SLC26A8: variants seen among roughly 807,000 people sequenced by gnomAD.
The protein encoded by SLC26A8 is solute carrier family 26 member 8, also known as testis anion transporter 1.
Under a neutral mutation model 105.0 loss-of-function variants are expected in SLC26A8, and 70 were observed. The ratio of observed to expected loss-of-function variants is 0.67; its 90% CI spans 0.55 to 0.81. SLC26A8 has a LOEUF of 0.81. SLC26A8 is among the 40% of genes least tolerant of loss of function. SLC26A8 has a pLI of 0.00. For missense variants in SLC26A8, 998 were observed against 1,181.8 expected, an observed-to-expected ratio of 0.84 and a Z score of 2.28; for synonymous variants, 415 against 438.3, an observed-to-expected ratio of 0.95 and a Z score of 0.66.
intron 3 of SLC26A8, among the ~76,000 whole-genome samples, chr6:36,002,935 C>A (rs576454610): frequency 6.6e-6 from 1 of 152,090 alleles, no homozygotes; most frequent in East Asian, 1.9e-4. Context: ...AACTCCTGAC[C>A]TCAAATGATT....
At chr6:36,014,203 C>T (rs1237524709) in intron 2 of SLC26A8, among the ~76,000 whole-genome samples, 1 of 152,200 alleles carries the variant, frequency 6.6e-6, no homozygotes, top group Non-Finnish European at 1.5e-5. Flanking sequence ...TCACCTGGTT[C>T]AGTCTGCCTT....
intron 7 of SLC26A8, among the ~76,000 whole-genome samples, chr6:35,983,180 A>G (rs975006371): frequency 2.0e-5 from 3 of 152,204 alleles, no homozygotes; most frequent in Non-Finnish European, 4.4e-5. Context: ...GAAGACCCCT[A>G]GGAAGTCTAC....
chr6:36,006,034 T>G (rs963469229), intron 3 of SLC26A8, among the ~76,000 whole-genome samples: 22 of 152,320 alleles, frequency 1.4e-4, no homozygotes, highest in Admixed American at 7.8e-4. Flanking sequence ...CACTACAAAT[T>G]ATCTTATTAT....
intron 5 of SLC26A8, among the ~76,000 whole-genome samples, chr6:35,994,262 C>G (rs1405173683): frequency 6.6e-6 from 1 of 151,578 alleles, no homozygotes; most frequent in Non-Finnish European, 1.5e-5. Context: ...CTACAGGCGC[C>G]CGCCACCAAG....
chr6:35,991,852 A>C, intron 6 of SLC26A8, 44 bp from the exon 7 acceptor site: 1 of 1,510,718 alleles, frequency 6.6e-7, no homozygotes, highest in Non-Finnish European at 8.8e-7. Context: ...GGGATGTAGT[A>C]ATTGCCTAAG....
Position 36,007,966 on chromosome 6 carries a change from A to C in SLC26A8, c.328+4267T>G, listed in dbSNP as rs150366387. Among the ~76,000 whole-genome samples, 791 of 152,000 alleles carry C rather than the reference A, an allele frequency of 5.2e-3. 5 individuals are homozygous for C. The highest frequency in any genetic ancestry group is 0.017 in the African/African-American group (693 of 41,466). On this transcript the variant is annotated intron_variant, in intron 3 of 19. Coordinates refer to ENST00000490799, the MANE Select transcript of SLC26A8 (RefSeq NM_052961.4). ...AAACCACGTGTCTACTAAAAATACA[A>C]AAAATTAGCCAGGCATAGTGGCAGG...
Position 35,982,220 on chromosome 6 carries a change from A to G in SLC26A8, c.943-17T>C, listed in dbSNP as rs1773301058. 6.2e-7 allele frequency: 1 copy of G among 1,612,982 alleles called. No homozygotes were observed. Among genetic ancestry groups the G allele is most frequent in the Non-Finnish European group, 8.5e-7 (1 of 1,179,220 alleles). On this transcript the variant is annotated splice_polypyrimidine_tract_variant and intron_variant, in intron 7 of 19. Transcript: ENST00000490799. ...GCCAATAATCTGTAGGGGGTAAAAA[A>G]AGAAGGGATGGGGGCATATGAATAC...
At chr6:36,017,236 CATGATCTTGT>C (rs1008269844) in intron 2 of SLC26A8, among the ~76,000 whole-genome samples, 6 of 146,456 alleles carry the variant, frequency 4.1e-5, no homozygotes, top group Admixed American at 2.1e-4. Flanking sequence ...AGAAAAGATG[CATGATCTTGT>C]ATGATCTTGA....
chr6:35,988,590 A>G (rs897388882), intron 7 of SLC26A8, among the ~76,000 whole-genome samples: 13 of 152,132 alleles, frequency 8.5e-5, no homozygotes, highest in African/African-American at 2.2e-4. Flanking sequence ...GGCCGAGATC[A>G]TGCCACTGCA....
At chr6:36,006,847 A>G (rs1353904465) in intron 3 of SLC26A8, among the ~76,000 whole-genome samples, 2 of 152,240 alleles carry the variant, frequency 1.3e-5, no homozygotes, top group African/African-American at 4.8e-5. Flanking sequence ...AAAAAAATCA[A>G]TTAATGTAAC....
At chr6:35,980,421 T>A (rs1289640923) in intron 8 of SLC26A8, among the ~76,000 whole-genome samples, 1 of 152,240 alleles carries the variant, frequency 6.6e-6, no homozygotes, top group Non-Finnish European at 1.5e-5. Context: ...AATTTAAACA[T>A]GGGAAGCCTT....
In SLC26A8 at chr6:36,019,633, A is replaced by G. The variant is rs1465267835; in HGVS notation, c.75T>C (p.Val25=). The G allele has an allele frequency of 6.2e-6, 10 of 1,614,088 alleles. No individual in the cohort carries two copies. Among genetic ancestry groups the G allele is most frequent in the Non-Finnish European group, 6.8e-6 (8 of 1,180,038 alleles). ...TCTCCTCATTGTATACTTCACGCTT[A>G]ACATCATATGCGAATGAGTTTCGCC... ...KSRRNSFAYD[V]KREVYNEETF... Residue 25 remains valine (V), a synonymous_variant, in exon 2 of 20, where the codon GTT becomes GTC. Coordinates refer to ENST00000490799, the MANE Select transcript of SLC26A8 (RefSeq NM_052961.4).
Position 35,990,350 on chromosome 6 carries a change from C to A in SLC26A8, c.942+1309G>T. 3 of 273,802 alleles carry A rather than the reference C, an allele frequency of 1.1e-5. No individual in the cohort carries two copies. In the South Asian group the frequency reaches 1.1e-4, roughly 10 times the overall value. The allele number at this position is 273,802 out of a possible 1,614,324, so 17.0% of individuals were successfully genotyped here. A position where few individuals can be genotyped will look rare whatever the true frequency, so the allele number is the denominator to read the frequency against. On this transcript the variant is annotated intron_variant, in intron 7 of 19. Transcript: ENST00000490799. Reference sequence around the variant, plus strand: ...ATGGGTTCTTATTGAACAAGATGTTCAAATCTTCCAATTGTTTCTCCATGA... The same window carrying A: ...ATGGGTTCTTATTGAACAAGATGTTAAAATCTTCCAATTGTTTCTCCATGA...
rs7451554 is a variant in SLC26A8, at chr6:35,993,189, A to C, written c.628-515T>G. The stretch of plus-strand genomic sequence containing the variant: ...TTTTTTTTTTTTTGATAGAGATTGG[A>C]GGGGGGGGTCTTGCTATATTACCTA... On this transcript the variant is annotated intron_variant, in intron 5 of 19. Transcript: ENST00000490799. 3.8e-4 allele frequency among the ~76,000 whole-genome samples: 18 copies of C among 47,080 alleles called. 1 individual carries two copies. Among genetic ancestry groups the C allele is most frequent in the Admixed American group, 5.5e-4 (2 of 3,620 alleles). 30.9% of individuals were successfully genotyped at this position (47,080 alleles called of 152,430 possible). A position where few individuals can be genotyped will look rare whatever the true frequency, so the allele number is the denominator to read the frequency against.
In SLC26A8 at chr6:35,952,107, G is replaced by A. The variant is rs150523069; in HGVS notation, c.2233-608C>T. On this transcript the variant is annotated intron_variant, in intron 17 of 19. Transcript: ENST00000490799. ...TAAACAGTATATATCAAGACAGGAC[G>A]TCTGCAGGAGGAAAGCCCTAGCATA... 9.3e-3 allele frequency among the ~76,000 whole-genome samples: 1,419 copies of A among 152,276 alleles called. 27 individuals are homozygous for A. Among genetic ancestry groups the A allele is most frequent in the African/African-American group, 0.032 (1,318 of 41,544 alleles).
chr6:35,985,504 C>T (rs540525523), intron 7 of SLC26A8, among the ~76,000 whole-genome samples: 31 of 151,636 alleles, frequency 2.0e-4, no homozygotes, highest in Admixed American at 1.2e-3. Context: ...ACCATCCTGG[C>T]CAACATGGTG....
chr6:35,993,399 A>T (rs1023141399), intron 5 of SLC26A8, among the ~76,000 whole-genome samples: 1 of 152,086 alleles, frequency 6.6e-6, no homozygotes, highest in African/African-American at 2.4e-5. Flanking sequence ...CTTTTCACAA[A>T]GGAGAAGAGA....
chr6:35,969,841 A>G (rs1772718860), intron 10 of SLC26A8: 1 of 152,216 alleles, frequency 6.6e-6, no homozygotes, highest in Admixed American at 6.5e-5. Context: ...AGCTACAAAC[A>G]TGAGTCAAGG....
chr6:35,961,116 T>C lies in SLC26A8; in HGVS notation c.1462-17A>G. 1 of 1,595,446 alleles carries C rather than the reference T, an allele frequency of 6.3e-7. No individual in the cohort carries two copies. The highest frequency in any genetic ancestry group is 8.6e-7 in the Non-Finnish European group (1 of 1,164,718). ...CCAAAGAGCCTTATGGAAAAGGGAA[T>C]GAGGGGAAAATGATCATGAAAACAA... On this transcript the variant is annotated splice_polypyrimidine_tract_variant and intron_variant, in intron 12 of 19. Coordinates refer to ENST00000490799, the MANE Select transcript of SLC26A8 (RefSeq NM_052961.4).
Sources: gnomAD v4.1 joint callset for allele counts (sites outside exome capture counted in the v4.1 genomes callset) on GRCh38, gnomAD v4.1.1 for gene constraint, MANE v1.5 for transcripts, NCBI Gene and HGNC (gene_info 2026-07-23, HGNC 2026-07-21) for gene names.